Variants in SFMBT1 observed in about 807,000 individuals in gnomAD.
SFMBT1 encodes the protein Scm like with four mbt domains 1, also known as scm-like with four MBT domains protein 1.
Under a neutral mutation model 108.7 loss-of-function variants are expected in SFMBT1, and 32 were observed. That is an observed-to-expected ratio of 0.29 (90% CI 0.22 to 0.40). The LOEUF (loss-of-function observed/expected upper bound fraction) is 0.40. Among genes scored for constraint, SFMBT1 ranks in the 10% least tolerant of loss-of-function variants. SFMBT1 has a pLI of 1.00. For synonymous variants in SFMBT1, 348 were observed against 369.5 expected, an observed-to-expected ratio of 0.94 and a Z score of 0.67; for missense variants, 816 against 1,059.6, an observed-to-expected ratio of 0.77 and a Z score of 3.19.
intron 2 of SFMBT1, among the ~76,000 whole-genome samples, chr3:52,958,392 A>C (rs1703853753): frequency 6.6e-6 from 1 of 152,204 alleles, no homozygotes; most frequent in Non-Finnish European, 1.5e-5. Context: ...GGAATTCAAG[A>C]CCAGCCTGGC....
At chr3:52,969,002 A>C in intron 2 of SFMBT1, 99 bp downstream of exon 2, 1 of 1,431,772 alleles carries the variant, frequency 7.0e-7, no homozygotes, top group Non-Finnish European at 9.7e-7. Flanking sequence ...AAGACTTCAA[A>C]GAGCTTCCAG....
intron 1 of SFMBT1, among the ~76,000 whole-genome samples, chr3:53,001,355 CAGG>C (rs1294939352): frequency 6.7e-6 from 1 of 150,252 alleles, no homozygotes; most frequent in Non-Finnish European, 1.5e-5. Flanking sequence ...TGCTTGAGCT[CAGG>C]AGTTCAAGGC....
chr3:52,961,526 C>A (rs1703961360), intron 2 of SFMBT1, among the ~76,000 whole-genome samples: 1 of 152,192 alleles, frequency 6.6e-6, no homozygotes, highest in Non-Finnish European at 1.5e-5. Context: ...ATAGCCACTG[C>A]ACTCCAGCCT....
chr3:53,039,876 A>G (rs1435219885), intron 1 of SFMBT1, among the ~76,000 whole-genome samples: 1 of 152,166 alleles, frequency 6.6e-6, no homozygotes, highest in African/African-American at 2.4e-5. Context: ...GGTTTGTTAC[A>G]TATAAACATT....
rs1369282534 is a variant in SFMBT1, at chr3:53,045,914, C to G, written c.-229G>C. ...CTTTCCGTCTTTTCGCTCCCCCGCG[C>G]GGAAGCTTTTTCCTCCCGTGCTGCC... On this transcript the variant is annotated 5_prime_UTR_variant, in exon 1 of 21. Coordinates refer to ENST00000394752, the MANE Select transcript of SFMBT1 (RefSeq NM_016329.4). The G allele has an allele frequency of 6.6e-6, 1 of 151,070 alleles. No homozygotes were observed. Among genetic ancestry groups the G allele is most frequent in the East Asian group, 2.0e-4 (1 of 5,090 alleles). The allele number at this position is 151,070 out of a possible 1,614,324, so 9.4% of individuals were successfully genotyped here.
intron 1 of SFMBT1, among the ~76,000 whole-genome samples, chr3:52,986,265 G>T (rs1377342961): frequency 6.6e-6 from 1 of 152,102 alleles, no homozygotes; most frequent in Non-Finnish European, 1.5e-5. Flanking sequence ...GAATGTGAAG[G>T]CCTGGGATAT....
chr3:52,981,629 T>C (rs1395361385), intron 1 of SFMBT1, among the ~76,000 whole-genome samples: 1 of 151,270 alleles, frequency 6.6e-6, no homozygotes, highest in Non-Finnish European at 1.5e-5. Context: ...TCCTCCCACC[T>C]TGGCCTCCCA....
chr3:52,959,631 C>A (rs578004323), intron 2 of SFMBT1, among the ~76,000 whole-genome samples: 1 of 152,286 alleles, frequency 6.6e-6, no homozygotes, highest in South Asian at 2.1e-4. Context: ...AAATGTTCGT[C>A]TTCAGAAAGG....
chr3:52,991,930 T>C (rs931749761), intron 1 of SFMBT1, among the ~76,000 whole-genome samples: 1 of 152,214 alleles, frequency 6.6e-6, no homozygotes, highest in Non-Finnish European at 1.5e-5. Flanking sequence ...TGTTCTGTCA[T>C]AGCAGCACAA....
chr3:52,949,747 T>C (rs892519890), intron 3 of SFMBT1, among the ~76,000 whole-genome samples: 1 of 151,738 alleles, frequency 6.6e-6, no homozygotes, highest in Non-Finnish European at 1.5e-5. Flanking sequence ...GCCTGGCTAA[T>C]TTTGTATTTT....
intron 9 of SFMBT1, among the ~76,000 whole-genome samples, chr3:52,926,389 T>C (rs1387950108): frequency 6.6e-6 from 1 of 152,252 alleles, no homozygotes; most frequent in African/African-American, 2.4e-5. Flanking sequence ...CACTATTTTA[T>C]ATGATTAGTT....
rs1226550916 is a variant in SFMBT1, at chr3:52,997,892, AAG to A, written c.-130-28636_-130-28635del. Among the ~76,000 whole-genome samples the A allele has an allele frequency of 4.6e-5, 7 of 150,772 alleles. 2 individuals are homozygous for A. The highest frequency in any genetic ancestry group is 2.7e-4 in the Admixed American group (4 of 14,990). On this transcript the variant is annotated intron_variant, in intron 1 of 20. Coordinates refer to ENST00000394752, the MANE Select transcript of SFMBT1 (RefSeq NM_016329.4). Reference sequence around the variant, plus strand: ...GCTTCAATAAAACATTGTTTAAAAAAAGAGAGAAGATAACACAACGTGTTGGT... The same window carrying A: ...GCTTCAATAAAACATTGTTTAAAAAAAGAGAAGATAACACAACGTGTTGGT...
intron 7 of SFMBT1, 91 bp downstream of exon 7, chr3:52,930,850 C>G (rs1449194964): frequency 2.0e-6 from 2 of 983,246 alleles, no homozygotes; most frequent in Admixed American, 2.0e-5. Context: ...TTCTTACCGA[C>G]TGCAGGGGCT....
chr3:53,000,128 C>T (rs889615839), intron 1 of SFMBT1, among the ~76,000 whole-genome samples: 5 of 150,260 alleles, frequency 3.3e-5, no homozygotes, highest in Middle Eastern at 6.9e-3. Context: ...TCCCAAAGTG[C>T]TGGGATTACA....
At chr3:52,940,444 A>C (rs910070764) in intron 4 of SFMBT1, among the ~76,000 whole-genome samples, 1 of 152,240 alleles carries the variant, frequency 6.6e-6, no homozygotes, top group African/African-American at 2.4e-5. Context: ...CACCCAATCT[A>C]GGACAGTTTC....
chr3:53,035,136 T>C lies in SFMBT1; in HGVS notation c.-131+10680A>G, dbSNP rs369091840. Among the ~76,000 whole-genome samples the C allele has an allele frequency of 2.6e-5, 4 of 152,132 alleles. No individual in the cohort carries two copies. The South Asian group carries it at 6.2e-4, about 24-fold the overall frequency. ...GAGAGAAGGGAATAAGCTGGACAAA[T>C]GGACTGGGCCTGAGTGCTTCAAGGA... is the stretch of plus-strand genomic sequence containing the variant. On this transcript the variant is annotated intron_variant, in intron 1 of 20. Coordinates refer to ENST00000394752, the MANE Select transcript of SFMBT1 (RefSeq NM_016329.4).
chr3:53,009,373 G>A (rs527451571), intron 1 of SFMBT1, among the ~76,000 whole-genome samples: 66 of 152,114 alleles, frequency 4.3e-4, no homozygotes, highest in African/African-American at 1.5e-3. Context: ...GCTTGAACCC[G>A]GGAGGCAGAG....
chr3:52,918,448 TAACTTGTA>T (rs758946705), intron 13 of SFMBT1, 28 bp downstream of exon 13: 198 of 1,494,766 alleles, frequency 1.3e-4, no homozygotes, highest in South Asian at 2.5e-4. Flanking sequence ...CTAGATATTC[TAACTTGTA>T]AACTGTTCAT....
rs148766372 is a variant in SFMBT1, at chr3:52,907,621, A to G, written c.2019T>C (p.Asn673=). 6.7e-4 allele frequency: 1,086 copies of G among 1,614,028 alleles called. 4 individuals carry two copies. Among genetic ancestry groups the G allele is most frequent in the Non-Finnish European group, 4.6e-4 (540 of 1,180,002 alleles). ...KASKRRKRRK[N]VFVHKKKRSS... is the part of the protein sequence containing the mutation. ...AGCGTTTCTTCTTATGAACAAAAAC[A>G]TTTTTCCGCCTCTTTCTCCTCTTAC... Residue 673 remains asparagine, a synonymous_variant, in exon 18 of 21, where the codon AAT becomes AAC. Coordinates refer to ENST00000394752, the MANE Select transcript of SFMBT1 (RefSeq NM_016329.4).
Sources: allele counts gnomAD v4.1 joint callset (sites outside exome capture counted in the v4.1 genomes callset), GRCh38; gene constraint gnomAD v4.1.1; transcripts MANE v1.5; gene names NCBI Gene and HGNC (gene_info 2026-07-23, HGNC 2026-07-21).